The following UNC13C variants were observed in gnomAD, a reference collection of about 807,000 sequenced individuals.
The protein encoded by UNC13C is unc-13 homolog C.
A neutral mutation model predicts 245.4 loss-of-function variants in UNC13C; 174 were observed. The observed-to-expected ratio is 0.71, with a 90% CI of 0.63 to 0.80. The LOEUF (loss-of-function observed/expected upper bound fraction) is 0.80, where lower values mean the gene tolerates loss of function less well. Among genes scored for constraint, UNC13C ranks in the 30% least tolerant of loss-of-function variants. The pLI is 0.00. For missense variants in UNC13C, 2,829 were observed against 2,602.9 expected, an observed-to-expected ratio of 1.09 and a Z score of -1.89; for synonymous variants, 992 against 895.1, an observed-to-expected ratio of 1.11 and a Z score of -1.93.
At chr15:54,414,399 C>T (rs2040476986) in intron 18 of UNC13C, among the ~76,000 whole-genome samples, 1 of 152,116 alleles carries the variant, frequency 6.6e-6, no homozygotes, top group Non-Finnish European at 1.5e-5. Context: ...ATAATCTCAG[C>T]ACTCTGGGAG....
chr15:54,369,900 A>G (rs1480077548), intron 17 of UNC13C, among the ~76,000 whole-genome samples: 1 of 152,096 alleles, frequency 6.6e-6, no homozygotes, highest in East Asian at 1.9e-4. Context: ...AGTTGGCTGT[A>G]TTAGAATCTC....
the UNC13C span, chr15:53,911,247 G>A: frequency 1.3e-5 from 2 of 152,240 alleles, no homozygotes; most frequent in African/African-American, 4.8e-5. Context: ...GTGCAAGCAG[G>A]GCACTTAGAG....
intron 8 of UNC13C, among the ~76,000 whole-genome samples, chr15:54,262,528 T>C (rs117862930): frequency 0.024 from 3,731 of 152,318 alleles, 61 homozygotes; most frequent in Non-Finnish European, 0.031. Flanking sequence ...ATTTAAGAAT[T>C]ATGGACTGTG....
intron 19 of UNC13C, among the ~76,000 whole-genome samples, chr15:54,474,505 G>T (rs1346172764): frequency 2.6e-5 from 4 of 151,552 alleles, no homozygotes; most frequent in Non-Finnish European, 4.4e-5. Context: ...TCCCTTGCCT[G>T]CTTTTTAATG....
At chr15:54,220,215 G>T (rs1181032563) in intron 4 of UNC13C, among the ~76,000 whole-genome samples, 1 of 151,114 alleles carries the variant, frequency 6.6e-6, no homozygotes, top group African/African-American at 2.5e-5. Flanking sequence ...AACAATGATA[G>T]ACTGGATTAA....
At chr15:54,048,777 G>GGGCC (rs749114604) in intron 2 of UNC13C, 3 of 250,454 alleles carry the variant, frequency 1.2e-5, no homozygotes, top group Non-Finnish European at 2.4e-5. Flanking sequence ...GTGAACCAGA[G>GGGCC]GGCCGTTAAC....
At chr15:53,954,642 C>T in the UNC13C span, among the ~76,000 whole-genome samples, 2 of 152,202 alleles carry the variant, frequency 1.3e-5, no homozygotes, top group African/African-American at 4.8e-5. Context: ...TAATTATAGG[C>T]TTCAAATGGG....
the UNC13C span, among the ~76,000 whole-genome samples, chr15:53,847,224 G>A: frequency 8.5e-5 from 13 of 152,134 alleles, no homozygotes; most frequent in East Asian, 1.9e-4. Flanking sequence ...TTGGAGTAGA[G>A]CTGAACTTGC....
At chr15:54,341,596 A>G (rs1413531994) in intron 17 of UNC13C, among the ~76,000 whole-genome samples, 1 of 144,076 alleles carries the variant, frequency 6.9e-6, no homozygotes, top group East Asian at 2.0e-4. Context: ...ATTTTTAAAA[A>G]TTTCAGGAAT....
chr15:54,565,144 A>C (rs139015799), intron 29 of UNC13C, among the ~76,000 whole-genome samples: 23 of 152,058 alleles, frequency 1.5e-4, no homozygotes, highest in African/African-American at 5.1e-4. Flanking sequence ...ACAGAATTGC[A>C]TGCCTCCCCC....
the UNC13C span, among the ~76,000 whole-genome samples, chr15:53,886,431 G>A: frequency 6.6e-6 from 1 of 152,254 alleles, no homozygotes; most frequent in South Asian, 2.1e-4. Context: ...AGAAAAAGGT[G>A]AGGAACAAAT....
chr15:53,995,614 G>T (rs549003457), intron 1 of UNC13C, among the ~76,000 whole-genome samples: 1 of 152,230 alleles, frequency 6.6e-6, no homozygotes, highest in South Asian at 2.1e-4. Flanking sequence ...GTTCCCAAGA[G>T]AGAAACTTTC....
intron 17 of UNC13C, among the ~76,000 whole-genome samples, chr15:54,379,160 T>C (rs564119): frequency 0.77 from 116,230 of 151,896 alleles, 44,829 homozygotes; most frequent in East Asian, 0.92. Flanking sequence ...TATTATGTTA[T>C]TTGAGAAAAC....
chr15:54,170,335 A>T (rs2033349591), intron 4 of UNC13C, among the ~76,000 whole-genome samples: 1 of 152,184 alleles, frequency 6.6e-6, no homozygotes, highest in Non-Finnish European at 1.5e-5. Flanking sequence ...TGAAAAAAAC[A>T]GAATCATTTA....
At chr15:54,181,447 T>C (rs919032860) in intron 4 of UNC13C, among the ~76,000 whole-genome samples, 1 of 151,870 alleles carries the variant, frequency 6.6e-6, no homozygotes, top group Admixed American at 6.6e-5. Context: ...GCTGTGGCTC[T>C]GTTTTTTGTT....
At chr15:54,010,803 G>T (rs193240911) in intron 1 of UNC13C, among the ~76,000 whole-genome samples, 70 of 152,216 alleles carry the variant, frequency 4.6e-4, no homozygotes, top group African/African-American at 1.6e-3. Context: ...GTCACCTCAG[G>T]TATGAACATG....
At chr15:54,272,949 T>C (rs548752694) in intron 10 of UNC13C, among the ~76,000 whole-genome samples, 2 of 152,174 alleles carry the variant, frequency 1.3e-5, no homozygotes, top group Admixed American at 1.3e-4. Context: ...CACTGTAATA[T>C]TCCATAGGCA....
At chr15:53,967,110 C>T in the UNC13C span, among the ~76,000 whole-genome samples, 1 of 151,870 alleles carries the variant, frequency 6.6e-6, no homozygotes, top group African/African-American at 2.4e-5. Flanking sequence ...TATCTTGTAT[C>T]ATTTTAATAA....
At chr15:54,123,351 A>G (rs2030810521) in intron 2 of UNC13C, among the ~76,000 whole-genome samples, 1 of 151,414 alleles carries the variant, frequency 6.6e-6, no homozygotes, top group Non-Finnish European at 1.5e-5. Context: ...ATGTGTGTTT[A>G]TATATACTTA....
Sources: gnomAD v4.1 joint callset for allele counts (sites outside exome capture counted in the v4.1 genomes callset) on GRCh38, gnomAD v4.1.1 for gene constraint, MANE v1.5 for transcripts, NCBI Gene and HGNC (gene_info 2026-07-23, HGNC 2026-07-21) for gene names.